Variants in CAMKMT observed in about 807,000 individuals in gnomAD.
CAMKMT encodes CaM KMT.
A neutral mutation model predicts 48.0 loss-of-function variants in CAMKMT; 53 were observed. The observed-to-expected ratio is 1.10, with a 90% confidence interval of 0.89 to 1.39. The LOEUF is 1.39. Ranked by LOEUF, CAMKMT falls within the 40% of genes most tolerant of loss-of-function variation. The pLI, the probability that CAMKMT is intolerant of heterozygous loss-of-function variation, is 0.00. For missense variants in CAMKMT, 428 were observed against 402.7 expected (o/e 1.06, Z -0.54); for synonymous variants, 165 against 152.3 (o/e 1.08, Z -0.61).
chr2:44,451,633 TAA>T (rs1667291332), intron 3 of CAMKMT, among the ~76,000 whole-genome samples: 1 of 152,034 alleles, frequency 6.6e-6, no homozygotes, highest in Admixed American at 6.6e-5. Flanking sequence ...CTTTATTCAG[TAA>T]AGAGTTATCC....
intron 3 of CAMKMT, among the ~76,000 whole-genome samples, chr2:44,660,982 G>A (rs1026977109): frequency 7.2e-5 from 11 of 152,156 alleles, no homozygotes; most frequent in Non-Finnish European, 1.5e-4. Context: ...GTATTGAACA[G>A]GGATGATCCT....
chr2:44,372,499 A>G (rs1679279590), intron 1 of CAMKMT, among the ~76,000 whole-genome samples: 1 of 151,924 alleles, frequency 6.6e-6, no homozygotes. Context: ...AGACTTGTAA[A>G]TCTTCACTGT....
chr2:44,554,225 G>A (rs72790072), intron 3 of CAMKMT, among the ~76,000 whole-genome samples: 109 of 152,320 alleles, frequency 7.2e-4, no homozygotes, highest in Middle Eastern at 6.8e-3. Flanking sequence ...TGTTTTGTGA[G>A]GGAGATAGAC....
chr2:44,596,073 C>G (rs926513120), intron 3 of CAMKMT, among the ~76,000 whole-genome samples: 1 of 151,018 alleles, frequency 6.6e-6, no homozygotes, highest in Non-Finnish European at 1.5e-5. Context: ...CACCATGGCA[C>G]GTATATACCT....
In CAMKMT at chr2:44,595,645, C is replaced by T. The variant is rs561610388; in HGVS notation, c.377-108638C>T. On this transcript the variant is annotated intron_variant, in intron 3 of 10. Coordinates refer to ENST00000378494, the MANE Select transcript of CAMKMT (RefSeq NM_024766.5). ...TTCTTCACAGAATTGGAAAAAGCTACTTTAAAGTTTAAAAAACTACTATAA... is the reference window on the plus strand; with the variant it reads ...TTCTTCACAGAATTGGAAAAAGCTATTTTAAAGTTTAAAAAACTACTATAA... Among the ~76,000 whole-genome samples, 3 of 152,318 alleles carry T rather than the reference C, an allele frequency of 2.0e-5. No homozygotes were observed. In the East Asian group the frequency reaches 5.8e-4, roughly 29 times the overall value.
intron 3 of CAMKMT, among the ~76,000 whole-genome samples, chr2:44,621,021 C>T (rs541671659): frequency 3.3e-5 from 5 of 152,324 alleles, no homozygotes; most frequent in African/African-American, 1.2e-4. Flanking sequence ...ATAATCCCAG[C>T]ACTTTGGGAG....
intron 3 of CAMKMT, among the ~76,000 whole-genome samples, chr2:44,576,346 A>AG (rs1669220729): frequency 6.6e-6 from 1 of 150,810 alleles, no homozygotes; most frequent in Non-Finnish European, 1.5e-5. Context: ...AAAAAAAAAA[A>AG]GAAAAGAAAA....
chr2:44,539,474 A>C (rs1035866475), intron 3 of CAMKMT, among the ~76,000 whole-genome samples: 2 of 152,130 alleles, frequency 1.3e-5, no homozygotes, highest in Non-Finnish European at 2.9e-5. Flanking sequence ...CCACAGTACA[A>C]TTATCAAAAT....
intron 3 of CAMKMT, among the ~76,000 whole-genome samples, chr2:44,485,864 T>C (rs1010957651): frequency 6.6e-6 from 1 of 152,214 alleles, no homozygotes; most frequent in African/African-American, 2.4e-5. Context: ...AGGATAATGC[T>C]TACCTCTGGG....
chr2:44,700,936 C>T (rs1049736366), intron 3 of CAMKMT, among the ~76,000 whole-genome samples: 7 of 152,112 alleles, frequency 4.6e-5, no homozygotes, highest in South Asian at 2.1e-4. Context: ...GCCTGTATAA[C>T]GTTTTCAAGT....
intron 3 of CAMKMT, among the ~76,000 whole-genome samples, chr2:44,407,064 C>T (rs1326738466): frequency 6.6e-6 from 1 of 152,172 alleles, no homozygotes; most frequent in Non-Finnish European, 1.5e-5. Flanking sequence ...CATGCCTCTT[C>T]TGTTAGGTCA....
rs78289011 is a variant in CAMKMT, at chr2:44,442,532, A to G, written c.376+52227A>G. Among the ~76,000 whole-genome samples, 1,186 of 152,278 alleles carry G rather than the reference A, an allele frequency of 7.8e-3. 8 individuals are homozygous for G. The highest frequency in any genetic ancestry group is 0.025 in the South Asian group (121 of 4,830). ...ACGTTATCTCTTGCTACTAAGCCAT[A>G]TTGTATTCCTCACATTCTCAGGTCA... On this transcript the variant is annotated intron_variant, in intron 3 of 10. Transcript: ENST00000378494.
chr2:44,386,065 C>T (rs1293055213), intron 2 of CAMKMT, among the ~76,000 whole-genome samples: 6 of 152,020 alleles, frequency 3.9e-5, no homozygotes, highest in African/African-American at 1.2e-4. Context: ...ATTCTTCTTT[C>T]AATGTCTGGT....
chr2:44,646,419 T>C (rs752203229), intron 3 of CAMKMT, among the ~76,000 whole-genome samples: 9 of 151,870 alleles, frequency 5.9e-5, no homozygotes, highest in African/African-American at 4.8e-5. Context: ...TACAGAAAAA[T>C]ATGAGCCTAA....
intron 3 of CAMKMT, among the ~76,000 whole-genome samples, chr2:44,589,353 T>C (rs989401004): frequency 1.9e-5 from 1 of 53,934 alleles, no homozygotes; most frequent in Non-Finnish European, 3.9e-5. Flanking sequence ...GAGGAGCCCC[T>C]CTGCCCGGCC....
intron 3 of CAMKMT, among the ~76,000 whole-genome samples, chr2:44,587,312 T>C (rs984119610): frequency 2.0e-5 from 3 of 152,210 alleles, no homozygotes; most frequent in African/African-American, 4.8e-5. Flanking sequence ...TTAAACTTCT[T>C]TCAGCAATAT....
chr2:44,689,372 C>T (rs985784897), intron 3 of CAMKMT, among the ~76,000 whole-genome samples: 36 of 151,296 alleles, frequency 2.4e-4, no homozygotes, highest in African/African-American at 8.5e-4. Flanking sequence ...GATCTTGGCT[C>T]ACTGCAACCT....
intron 3 of CAMKMT, among the ~76,000 whole-genome samples, chr2:44,572,132 G>C (rs996504335): frequency 6.6e-6 from 1 of 152,102 alleles, no homozygotes; most frequent in South Asian, 2.1e-4. Flanking sequence ...TACCCATTAA[G>C]CAGTAATTCT....
intron 3 of CAMKMT, among the ~76,000 whole-genome samples, chr2:44,456,060 A>G (rs1667546736): frequency 6.6e-6 from 1 of 152,192 alleles, no homozygotes; most frequent in African/African-American, 2.4e-5. Context: ...AACATGCTGT[A>G]TGCTACCAGT....
Sources: gnomAD v4.1 joint callset for allele counts (sites outside exome capture counted in the v4.1 genomes callset) on GRCh38, gnomAD v4.1.1 for gene constraint, MANE v1.5 for transcripts, NCBI Gene and HGNC (gene_info 2026-07-23, HGNC 2026-07-21) for gene names.